Variants in CACNA1E observed in about 807,000 individuals in gnomAD.
The protein encoded by CACNA1E is calcium voltage-gated channel subunit alpha1 E.
In CACNA1E, 40 loss-of-function variants were observed where a neutral mutation model predicts 259.2. The ratio of observed to expected loss-of-function variants is 0.15; its 90% CI spans 0.12 to 0.20. CACNA1E has a LOEUF of 0.20. Among genes scored for constraint, CACNA1E ranks in the 10% least tolerant of loss-of-function variants. CACNA1E has a pLI of 1.00. For synonymous variants in CACNA1E, 1,104 were observed against 1,138.5 expected, an observed-to-expected ratio of 0.97 and a Z score of 0.61; for missense variants, 1,874 against 3,040.1, an observed-to-expected ratio of 0.62 and a Z score of 9.02.
chr1:181,643,978 C>A (rs1339946045), intron 6 of CACNA1E, among the ~76,000 whole-genome samples: 1 of 152,178 alleles, frequency 6.6e-6, no homozygotes, highest in Non-Finnish European at 1.5e-5. Context: ...CAGTGAAACG[C>A]CCTGCTCCTG....
intron 2 of CACNA1E, among the ~76,000 whole-genome samples, chr1:181,444,825 T>C (rs1361325479): frequency 2.0e-5 from 3 of 152,124 alleles, no homozygotes; most frequent in Non-Finnish European, 4.4e-5. Flanking sequence ...CTCACCGCCA[T>C]GATGAGTGCT....
At chr1:181,697,237 T>C (rs1651797080) in intron 7 of CACNA1E, among the ~76,000 whole-genome samples, 1 of 152,238 alleles carries the variant, frequency 6.6e-6, no homozygotes, top group South Asian at 2.1e-4. Flanking sequence ...GCTGATGTAA[T>C]CCTAAGGGCC....
chr1:181,622,896 C>T (rs796938622), intron 6 of CACNA1E, among the ~76,000 whole-genome samples: 1 of 152,148 alleles, frequency 6.6e-6, no homozygotes. Flanking sequence ...CGCGACAGCC[C>T]ACTTATGCTT....
intron 6 of CACNA1E, among the ~76,000 whole-genome samples, chr1:181,594,305 A>G (rs552422041): frequency 1.3e-5 from 2 of 152,298 alleles, no homozygotes; most frequent in Admixed American, 1.3e-4. Context: ...GTAGTCATTT[A>G]TGTAACCTGT....
chr1:181,352,795 T>C (rs1010024663), intron 1 of CACNA1E, among the ~76,000 whole-genome samples: 2 of 152,210 alleles, frequency 1.3e-5, no homozygotes, highest in African/African-American at 4.8e-5. Flanking sequence ...ACTGTGCCAG[T>C]GTCTCTTTGA....
chr1:181,617,988 A>G (rs1655377361), intron 6 of CACNA1E, among the ~76,000 whole-genome samples: 1 of 152,108 alleles, frequency 6.6e-6, no homozygotes. Context: ...ATTTTTTTCA[A>G]AGACTCCAAA....
chr1:181,318,646 G>T (rs1291902856), intron 1 of CACNA1E, among the ~76,000 whole-genome samples: 1 of 152,226 alleles, frequency 6.6e-6, no homozygotes, highest in Non-Finnish European at 1.5e-5. Flanking sequence ...TTTTGTGCGC[G>T]GATCGCTGGT....
At chr1:181,574,451 C>T (rs1367900166) in intron 3 of CACNA1E, among the ~76,000 whole-genome samples, 1 of 152,160 alleles carries the variant, frequency 6.6e-6, no homozygotes, top group African/African-American at 2.4e-5. Flanking sequence ...ATGTTCTCTC[C>T]TTTTGACCTC....
chr1:181,758,776 A>G lies in CACNA1E; in HGVS notation c.4513A>G (p.Thr1505Ala). 6.3e-7 allele frequency: 1 copy of G among 1,598,680 alleles called. No individual in the cohort carries two copies. Among genetic ancestry groups the G allele is most frequent in the South Asian group, 1.1e-5 (1 of 90,730 alleles). Residue 1505 changes from threonine to alanine, a missense_variant, in exon 32 of 48, where the codon ACC becomes GCC. Around this residue, in one of 14 missense-constraint regions of CACNA1E, gnomAD observed 188 missense variants for 540.6 expected, o/e 0.35. Transcript: ENST00000367573. The surrounding 1 kb of genome is among the most constrained non-coding windows in gnomAD (Gnocchi z 4.2). Reference sequence around the variant, plus strand: ...CTGGCAGTATTATTCTGCTCCCTGTACCTATGAGCTGGCCCTGAAGTACCT... The same window carrying G: ...CTGGCAGTATTATTCTGCTCCCTGTGCCTATGAGCTGGCCCTGAAGTACCT... ...LMMKYYSAPC[T>A]YELALKYLNI...
At chr1:181,394,271 GA>G (rs574423354) in intron 1 of CACNA1E, among the ~76,000 whole-genome samples, 55 of 152,318 alleles carry the variant, frequency 3.6e-4, no homozygotes, top group Admixed American at 1.8e-3. Context: ...TGTAAAATGG[GA>G]GGTTTAAATA....
chr1:181,549,719 G>A (rs1647917148), intron 3 of CACNA1E, among the ~76,000 whole-genome samples: 1 of 152,184 alleles, frequency 6.6e-6, no homozygotes, highest in African/African-American at 2.4e-5. Flanking sequence ...GTCAGCAGTG[G>A]GGTGGGGCTG....
chr1:181,338,750 G>C (rs748290971), intron 1 of CACNA1E, among the ~76,000 whole-genome samples: 1 of 152,086 alleles, frequency 6.6e-6, no homozygotes, highest in Non-Finnish European at 1.5e-5. Context: ...CTATCAAAGA[G>C]CTTTTCCCTT....
intron 3 of CACNA1E, among the ~76,000 whole-genome samples, chr1:181,529,054 G>A (rs1667577521): frequency 6.6e-6 from 1 of 152,162 alleles, no homozygotes; most frequent in Non-Finnish European, 1.5e-5. Context: ...CCCATCACAG[G>A]CCCAGAGGCC....
At chr1:181,497,594 A>G (rs903209611) in intron 1 of CACNA1E, among the ~76,000 whole-genome samples, 2 of 152,066 alleles carry the variant, frequency 1.3e-5, no homozygotes, top group African/African-American at 4.8e-5. Flanking sequence ...ATTTAATCCA[A>G]CCCCGGGTGA....
Position 181,720,433 on chromosome 1 carries a change from C to A in CACNA1E, c.1883+96C>A. 12 of 1,359,992 alleles carry A rather than the reference C, an allele frequency of 8.8e-6. No individual in the cohort carries two copies. The South Asian group carries it at 1.2e-4, about 13-fold the overall frequency. 84.2% of individuals were successfully genotyped at this position (1,359,992 alleles called of 1,614,324 possible). The stretch of plus-strand genomic sequence containing the variant: ...ATTAACTCAATCACCATGTTACTAT[C>A]CTGTCTGCCTTTGCCCATGGCCTGA... On this transcript the variant is annotated intron_variant, in intron 14 of 47. Transcript: ENST00000367573.
chr1:181,732,571 C>T lies in CACNA1E; in HGVS notation c.2485C>T (p.Arg829Ter). 1 of 1,530,064 alleles carries T rather than the reference C, an allele frequency of 6.5e-7. No homozygotes were observed. The highest frequency in any genetic ancestry group is 8.8e-7 in the Non-Finnish European group (1 of 1,137,538). The allele number at this position is 1,530,064 out of a possible 1,614,324, so 94.8% of individuals were successfully genotyped here. A position where few individuals can be genotyped will look rare whatever the true frequency, so the allele number is the denominator to read the frequency against. ...CAATGCCCACCCCAGCCTTTATCGG[C>T]GACCCAGGGCCATTGAGGGCCTGGC... is the stretch of plus-strand genomic sequence containing the variant. ...PLNAHPSLYR[R>*]PRAIEGLALG... The change falls in exon 20 of 48, where the codon CGA becomes TGA. Residue 829 changes from arginine to a stop codon, truncating the protein, a stop_gained. Transcript: ENST00000367573. LOFTEE classifies it high-confidence loss of function. This position sits in a 1 kb window ranked among gnomAD's most constrained non-coding sequence, Gnocchi z 5.5.
chr1:181,426,942 A>C, intron 2 of CACNA1E, among the ~76,000 whole-genome samples: 1 of 117,078 alleles, frequency 8.5e-6, no homozygotes, highest in Non-Finnish European at 1.8e-5. Flanking sequence ...ACCGCTGCCC[A>C]TCTCAACCCC....
At chr1:181,685,179 A>AT (rs35187833) in intron 7 of CACNA1E, among the ~76,000 whole-genome samples, 465 of 110,180 alleles carry the variant, frequency 4.2e-3, no homozygotes, top group East Asian at 9.8e-3. Context: ...CAAAGGAAAC[A>AT]TTTTTTTTTT....
chr1:181,565,940 A>T (rs186693313), intron 3 of CACNA1E, among the ~76,000 whole-genome samples: 1 of 152,260 alleles, frequency 6.6e-6, no homozygotes, highest in African/African-American at 2.4e-5. Context: ...ATCCCTCGCC[A>T]CTGCTAGAAA....
Sources: gnomAD v4.1 joint callset for allele counts (sites outside exome capture counted in the v4.1 genomes callset) on GRCh38, gnomAD v4.1.1 for gene constraint, gnomAD v4.1.1 regional missense constraint, Gnocchi (gnomAD v3.1) non-coding constraint, MANE v1.5 for transcripts, NCBI Gene and HGNC (gene_info 2026-07-23, HGNC 2026-07-21) for gene names.